Variants in IST1 observed in about 807,000 individuals in gnomAD.
IST1 encodes IST1 factor associated with ESCRT-III, also known as IST1 homolog.
In IST1, 23 loss-of-function variants were observed where a neutral mutation model predicts 37.0. The observed-to-expected ratio is 0.62, with a 90% CI of 0.45 to 0.88. IST1 has a LOEUF of 0.88. Ranked by LOEUF, IST1 falls within the 40% of genes least tolerant of loss-of-function variation. The probability of loss-of-function intolerance (pLI) is 0.00; values close to 1 mark genes in which losing one functional copy is unlikely to be tolerated. For synonymous variants in IST1, 180 were observed against 161.7 expected, an observed-to-expected ratio of 1.11 and a Z score of -0.86; for missense variants, 488 against 445.4, an observed-to-expected ratio of 1.10 and a Z score of -0.86.
chr16:71,902,411 A>G (rs2037128228), intron 1 of IST1, among the ~76,000 whole-genome samples: 1 of 152,118 alleles, frequency 6.6e-6, no homozygotes, highest in Non-Finnish European at 1.5e-5. Flanking sequence ...CTGGGATTAC[A>G]GATGCCTGCC....
At chr16:71,900,430 G>A (rs889676665) in intron 1 of IST1, among the ~76,000 whole-genome samples, 11 of 146,720 alleles carry the variant, frequency 7.5e-5, no homozygotes, top group Non-Finnish European at 3.0e-5. Flanking sequence ...TTGGGCAGCA[G>A]TTCTGATTCT....
At chr16:71,910,839 GGCTTCCCTTCA>G (rs2037338117) in intron 1 of IST1, among the ~76,000 whole-genome samples, 1 of 152,014 alleles carries the variant, frequency 6.6e-6, no homozygotes, top group African/African-American at 2.4e-5. Flanking sequence ...AAAATACTGA[GGCTTCCCTTCA>G]GCTCTACTTT....
intron 8 of IST1, 175 bp from the exon 9 acceptor site, chr16:71,924,594 A>G (rs1386302873): frequency 1.6e-6 from 1 of 615,820 alleles, no homozygotes; most frequent in Non-Finnish European, 2.9e-6. Context: ...TCTCAAAATC[A>G]AAGGAGTTCA....
At position 71,930,653 on chromosome 16, in the gene IST1, AT is replaced by A. The variant is rs879871607; in HGVS notation, c.*2851del. 1.9e-3 allele frequency: 287 copies of A among 147,846 alleles called. No homozygotes were observed. The highest frequency in any genetic ancestry group is 3.0e-3 in the African/African-American group (120 of 40,510). The allele number at this position is 147,846 out of a possible 1,614,324, so 9.2% of individuals were successfully genotyped here. On this transcript the variant is annotated 3_prime_UTR_variant, in exon 10 of 10. Coordinates refer to ENST00000378799, the MANE Select transcript of IST1 (RefSeq NM_001270975.2). ...GGCCACAGAAAACTGGCTTTTTAGT[AT>A]TTTTTTTTTTCCATTGTCATTTTTA...
At chr16:71,923,212 C>T in intron 7 of IST1, 76 bp from the exon 8 acceptor site, 3 of 748,712 alleles carry the variant, frequency 4.0e-6, no homozygotes, top group Admixed American at 2.3e-5. Flanking sequence ...GTATTTCTTT[C>T]TCCCTTCCCA....
chr16:71,907,314 G>A (rs759470309), intron 1 of IST1, among the ~76,000 whole-genome samples: 1 of 137,990 alleles, frequency 7.2e-6, no homozygotes, highest in Non-Finnish European at 1.5e-5. Context: ...CTCTCTCTCT[G>A]TCGCCCATGC....
intron 4 of IST1, among the ~76,000 whole-genome samples, chr16:71,920,532 A>G (rs1446604306): frequency 6.6e-6 from 1 of 152,172 alleles, no homozygotes; most frequent in Non-Finnish European, 1.5e-5. Context: ...AATACTCATG[A>G]TAGTGTTTGG....
At chr16:71,920,989 A>T (rs1463495606) in intron 5 of IST1, 167 bp downstream of exon 5, 1 of 668,210 alleles carries the variant, frequency 1.5e-6, no homozygotes, top group Non-Finnish European at 2.7e-6. Context: ...CAATCCTTAC[A>T]CCTGCCCAAT....
Position 71,921,350 on chromosome 16 carries a change from A to G in IST1, c.449A>G (p.His150Arg), listed in dbSNP as rs748450820. 2 of 1,609,432 alleles carry G rather than the reference A, an allele frequency of 1.2e-6. No homozygotes were observed. Among genetic ancestry groups the G allele is most frequent in the Non-Finnish European group, 1.7e-6 (2 of 1,176,630 alleles). The change falls in exon 6 of 10, where the codon CAC (histidine) becomes CGC (arginine). Residue 150 changes from histidine to arginine, a missense_variant. His to Arg is a conservative substitution (Grantham distance 29). Transcript: ENST00000378799. ...QIGTVNDRLM[H>R]KLSVEAPPKI... The stretch of plus-strand genomic sequence containing the variant: ...GGGTCTTTTTACTTACAGCTAATGC[A>G]CAAGCTGAGTGTGGAAGCCCCACCC...
intron 1 of IST1, among the ~76,000 whole-genome samples, chr16:71,900,843 G>T (rs2037092277): frequency 6.6e-6 from 1 of 152,128 alleles, no homozygotes; most frequent in African/African-American, 2.4e-5. Flanking sequence ...TTGAATGTCT[G>T]TTGTAGACAG....
At chr16:71,926,336 T>TA (rs1567475939) in intron 9 of IST1, among the ~76,000 whole-genome samples, 1 of 151,650 alleles carries the variant, frequency 6.6e-6, no homozygotes, top group Non-Finnish European at 1.5e-5. Context: ...ATTTACATTT[T>TA]AAAAAAACTC....
chr16:71,896,407 A>G (rs2036972854), intron 1 of IST1, among the ~76,000 whole-genome samples: 1 of 152,108 alleles, frequency 6.6e-6, no homozygotes, highest in Non-Finnish European at 1.5e-5. Flanking sequence ...TATGTGTAAT[A>G]TTTTAACTTT....
rs1205347479 is a variant in IST1 at position 71,931,019 on chromosome 16, T to TTTG, written c.*3208_*3210dup. On this transcript the variant is annotated 3_prime_UTR_variant, in exon 10 of 10. Coordinates refer to ENST00000378799, the MANE Select transcript of IST1 (RefSeq NM_001270975.2). The stretch of plus-strand genomic sequence containing the variant: ...CCAGATAATGTGGGCAATCTCTGAG[T>TTTG]TTGTGATACAAGACTTATTTCCAAT... 1 of 152,232 alleles carries TTTG rather than the reference T, an allele frequency of 6.6e-6. No homozygotes were observed. The highest frequency in any genetic ancestry group is 1.5e-5 in the Non-Finnish European group (1 of 68,044). 9.4% of individuals were successfully genotyped at this position (152,232 alleles called of 1,614,324 possible).
At chr16:71,899,632 C>G (rs1452138838) in intron 1 of IST1, among the ~76,000 whole-genome samples, 3 of 151,828 alleles carry the variant, frequency 2.0e-5, no homozygotes, top group Non-Finnish European at 4.4e-5. Flanking sequence ...TCCCAGCACT[C>G]TGGGAGGCCG....
At chr16:71,921,504 CTTTGG>C in intron 6 of IST1, 51 bp downstream of exon 6, 2 of 1,020,914 alleles carry the variant, frequency 2.0e-6, no homozygotes, top group Admixed American at 4.6e-5. Context: ...GTATGACCTT[CTTTGG>C]AAAACAAAAA....
intron 9 of IST1, among the ~76,000 whole-genome samples, chr16:71,925,699 TGTA>T (rs10537526): frequency 0.074 from 11,321 of 152,096 alleles, 1,349 homozygotes; most frequent in African/African-American, 0.25. Context: ...GATTCACATT[TGTA>T]ATCCAAGCAC....
At position 71,927,876 on chromosome 16, in the gene IST1, C is replaced by A; in HGVS notation, c.*63C>A. 8.9e-7 allele frequency: 1 copy of A among 1,124,212 alleles called. No homozygotes were observed. The highest frequency in any genetic ancestry group is 1.3e-5 in the South Asian group (1 of 79,238). The allele number at this position is 1,124,212 out of a possible 1,614,324, so 69.6% of individuals were successfully genotyped here. On this transcript the variant is annotated 3_prime_UTR_variant, in exon 10 of 10. Transcript: ENST00000378799. ...GAGACTGAGCAATTTCTCCTTGTAA[C>A]AAAGAATCTCCATGAAATTCTGTTT...
chr16:71,894,746 G>C, upstream of IST1: 1 of 835,520 alleles, frequency 1.2e-6, no homozygotes, highest in Non-Finnish European at 1.9e-6. Flanking sequence ...ATGGTGTCCA[G>C]GCTGGTCTGC....
intron 9 of IST1, among the ~76,000 whole-genome samples, chr16:71,927,167 A>C (rs957878148): frequency 2.0e-5 from 3 of 152,152 alleles, no homozygotes; most frequent in African/African-American, 7.2e-5. Flanking sequence ...GAAAATGTAG[A>C]TATTAACTGT....
Sources: gnomAD v4.1 joint callset for allele counts (sites outside exome capture counted in the v4.1 genomes callset) on GRCh38, gnomAD v4.1.1 for gene constraint, MANE v1.5 for transcripts, NCBI Gene and HGNC (gene_info 2026-07-23, HGNC 2026-07-21) for gene names.